LZTS1: variants seen among roughly 807,000 people sequenced by gnomAD.
LZTS1 encodes the protein leucine zipper putative tumor suppressor 1.
In LZTS1, 31 loss-of-function variants were observed where a neutral mutation model predicts 45.8. That is an observed-to-expected ratio of 0.68 (90% CI 0.51 to 0.91). The LOEUF is 0.91. Ranked by LOEUF, LZTS1 falls within the 40% of genes least tolerant of loss-of-function variation. The probability of loss-of-function intolerance (pLI) is 0.00; values close to 1 mark genes in which losing one functional copy is unlikely to be tolerated. For synonymous variants in LZTS1, 359 were observed against 357.3 expected (o/e 1.00, Z -0.05); for missense variants, 821 against 788.9 (o/e 1.04, Z -0.49).
chr8:20,293,680 C>A (rs1304547203), intron 1 of LZTS1, among the ~76,000 whole-genome samples: 1 of 152,184 alleles, frequency 6.6e-6, no homozygotes, highest in Non-Finnish European at 1.5e-5. Flanking sequence ...CGCCTATAAT[C>A]CCAGCACTTT....
chr8:20,261,002 G>C (rs1247692388), intron 1 of LZTS1, among the ~76,000 whole-genome samples: 2 of 152,152 alleles, frequency 1.3e-5, no homozygotes, highest in Non-Finnish European at 2.9e-5. Flanking sequence ...TTCCATCCTG[G>C]TTCCCAAATC....
chr8:20,255,392 TG>T, intron 1 of LZTS1, 77 bp from the exon 2 acceptor site: 1 of 1,068,920 alleles, frequency 9.4e-7, no homozygotes, highest in Non-Finnish European at 1.3e-6. Flanking sequence ...CTTCCAGATC[TG>T]GGCAGTAGAG....
intron 1 of LZTS1, among the ~76,000 whole-genome samples, chr8:20,281,495 C>G (rs569612058): frequency 6.6e-6 from 1 of 152,294 alleles, no homozygotes; most frequent in East Asian, 1.9e-4. Flanking sequence ...ATCGCTTGCA[C>G]CTGAGGCAGA....
At chr8:20,286,964 G>A (rs888890243) in intron 1 of LZTS1, among the ~76,000 whole-genome samples, 1 of 152,112 alleles carries the variant, frequency 6.6e-6, no homozygotes, top group Non-Finnish European at 1.5e-5. Context: ...GGTTTCCGGG[G>A]GGTACTTTTA....
rs2128900694 is a variant in LZTS1, at chr8:20,303,892, C to A, written c.-287G>T. ...CCCGGCTCCCACTCACTGGCCGAGG[C>A]GGGCAGAGAAACTTTCGGCCTCCCC... is the stretch of plus-strand genomic sequence containing the variant. On this transcript the variant is annotated 5_prime_UTR_variant, in exon 1 of 4. Coordinates refer to ENST00000381569, the MANE Select transcript of LZTS1 (RefSeq NM_021020.5). 5 of 984,898 alleles carry A rather than the reference C, an allele frequency of 5.1e-6. No individual in the cohort carries two copies. Among genetic ancestry groups the A allele is most frequent in the East Asian group, 1.1e-4 (1 of 8,788 alleles). The allele number at this position is 984,898 out of a possible 1,614,324, so 61.0% of individuals were successfully genotyped here.
chr8:20,294,695 C>T (rs576725558), intron 1 of LZTS1, among the ~76,000 whole-genome samples: 331 of 152,058 alleles, frequency 2.2e-3, no homozygotes, highest in African/African-American at 7.6e-3. Context: ...TTGGGGGTGG[C>T]GGGGAGCAGG....
At chr8:20,261,242 G>GC (rs1432417691) in intron 1 of LZTS1, among the ~76,000 whole-genome samples, 1 of 152,174 alleles carries the variant, frequency 6.6e-6, no homozygotes, top group African/African-American at 2.4e-5. Flanking sequence ...CACATGGCAT[G>GC]CTACGTGAGC....
At chr8:20,268,181 C>G (rs1446133662) in intron 1 of LZTS1, among the ~76,000 whole-genome samples, 2 of 143,894 alleles carry the variant, frequency 1.4e-5, no homozygotes, top group Non-Finnish European at 3.0e-5. Context: ...CCCCCACCCC[C>G]ACTCCCATCT....
At chr8:20,259,638 G>A (rs992192486) in intron 1 of LZTS1, among the ~76,000 whole-genome samples, 2 of 152,138 alleles carry the variant, frequency 1.3e-5, no homozygotes, top group African/African-American at 4.8e-5. Flanking sequence ...CTTTCCTGGT[G>A]GGTGAACATA....
chr8:20,272,231 T>C (rs144490957), intron 1 of LZTS1, among the ~76,000 whole-genome samples: 95 of 152,326 alleles, frequency 6.2e-4, no homozygotes, highest in African/African-American at 2.2e-3. Context: ...CAGGCTAGAA[T>C]GACTGGGCCT....
intron 1 of LZTS1, among the ~76,000 whole-genome samples, chr8:20,298,882 A>G (rs936982938): frequency 7.2e-5 from 11 of 152,256 alleles, no homozygotes; most frequent in Middle Eastern, 3.4e-3. Context: ...TCTCTAAAAA[A>G]CAAACAAAAA....
In LZTS1 at chr8:20,255,313, G is replaced by C. The variant is rs73607945; in HGVS notation, c.-132C>G. On this transcript the variant is annotated splice_region_variant and 5_prime_UTR_variant, in exon 2 of 4. Transcript: ENST00000381569. Reference sequence around the variant, plus strand: ...CCTCACAGAGCCTGCGAGAGCCGTAGACCTGGAAGAAGACACAAGACAGAA... The same window carrying C: ...CCTCACAGAGCCTGCGAGAGCCGTACACCTGGAAGAAGACACAAGACAGAA... The C allele has an allele frequency of 0.025, 35,685 of 1,441,070 alleles. 656 individuals are homozygous for C. The highest frequency in any genetic ancestry group is 0.077 in the African/African-American group (5,396 of 69,964). The allele number at this position is 1,441,070 out of a possible 1,614,324, so 89.3% of individuals were successfully genotyped here. A position where few individuals can be genotyped will look rare whatever the true frequency, so the allele number is the denominator to read the frequency against.
chr8:20,250,565 A>T (rs547786063), intron 3 of LZTS1, among the ~76,000 whole-genome samples: 245 of 152,322 alleles, frequency 1.6e-3, no homozygotes, highest in African/African-American at 5.7e-3. Flanking sequence ...TATATAGTAA[A>T]ATGATAAAAT....
intron 1 of LZTS1, among the ~76,000 whole-genome samples, chr8:20,298,809 T>C (rs1801020621): frequency 6.6e-6 from 1 of 152,166 alleles, no homozygotes; most frequent in African/African-American, 2.4e-5. Context: ...AGGTCAAGAT[T>C]GCAGTAAGCT....
intron 1 of LZTS1, among the ~76,000 whole-genome samples, chr8:20,272,837 T>C (rs1800500055): frequency 6.6e-6 from 1 of 152,200 alleles, no homozygotes; most frequent in Admixed American, 6.5e-5. Flanking sequence ...GCCAACCTTC[T>C]CACTTCCAGT....
intron 1 of LZTS1, among the ~76,000 whole-genome samples, chr8:20,281,171 T>C (rs1297755749): frequency 6.6e-6 from 1 of 152,156 alleles, no homozygotes; most frequent in Admixed American, 6.5e-5. Flanking sequence ...ATTTGGATGT[T>C]TGTCCCCTCC....
intron 1 of LZTS1, among the ~76,000 whole-genome samples, chr8:20,289,007 T>TTTTTTG (rs1554555278): frequency 6.6e-6 from 1 of 150,844 alleles, no homozygotes; most frequent in Non-Finnish European, 1.5e-5. Flanking sequence ...TTTTTTTTTT[T>TTTTTTG]AGACATATGG....
chr8:20,252,942 A>G lies in LZTS1; in HGVS notation c.989T>C (p.Val330Ala), dbSNP rs1799974197. The change falls in exon 3 of 4, where the codon GTC (valine) becomes GCC (alanine). Residue 330 changes from valine (V) to alanine (A), a missense_variant. By Grantham distance (64) the Val-to-Ala change is moderately conservative. Coordinates refer to ENST00000381569, the MANE Select transcript of LZTS1 (RefSeq NM_021020.5). ...ASQKSQRAQQVLHLQVLQLQQ... is the reference protein window; with the variant it reads ...ASQKSQRAQQALHLQVLQLQQ... The stretch of plus-strand genomic sequence containing the variant: ...AAGCTGCAGTACCTGCAGGTGCAGG[A>G]CCTGCTGCGCGCGCTGGCTCTTCTG... 3 of 1,602,128 alleles carry G rather than the reference A, an allele frequency of 1.9e-6. No individual in the cohort carries two copies. The highest frequency in any genetic ancestry group is 1.3e-5 in the African/African-American group (1 of 74,610).
In LZTS1 at chr8:20,255,318, G is replaced by A. The variant is rs1585279450; in HGVS notation, c.-134-3C>T. The A allele has an allele frequency of 7.6e-6, 11 of 1,439,592 alleles. No individual in the cohort carries two copies. The highest frequency in any genetic ancestry group is 9.1e-6 in the Non-Finnish European group (10 of 1,102,312). The allele number at this position is 1,439,592 out of a possible 1,614,324, so 89.2% of individuals were successfully genotyped here. On this transcript the variant is annotated splice_region_variant and splice_polypyrimidine_tract_variant and intron_variant, in intron 1 of 3. Transcript: ENST00000381569. ...CAGAGCCTGCGAGAGCCGTAGACCTGGAAGAAGACACAAGACAGAAGTCAG... is the reference window on the plus strand; with the variant it reads ...CAGAGCCTGCGAGAGCCGTAGACCTAGAAGAAGACACAAGACAGAAGTCAG...
Sources: gnomAD v4.1 joint callset for allele counts (sites outside exome capture counted in the v4.1 genomes callset) on GRCh38, gnomAD v4.1.1 for gene constraint, MANE v1.5 for transcripts, NCBI Gene and HGNC (gene_info 2026-07-23, HGNC 2026-07-21) for gene names.